MDGA2: variants seen among roughly 807,000 people sequenced by gnomAD.
MDGA2 encodes the protein MAM domain containing glycosylphosphatidylinositol anchor 2.
Under a neutral mutation model 117.8 loss-of-function variants are expected in MDGA2, and 40 were observed. That is an observed-to-expected ratio of 0.34 (90% CI 0.26 to 0.44). The LOEUF (loss-of-function observed/expected upper bound fraction) is 0.44. Among genes scored for constraint, MDGA2 ranks in the 20% least tolerant of loss-of-function variants. The pLI is 1.00. For synonymous variants in MDGA2, 452 were observed against 439.0 expected (o/e 1.03, Z -0.37); for missense variants, 1,123 against 1,250.6 (o/e 0.90, Z 1.54).
rs563122314 is a variant in MDGA2 at position 47,595,975 on chromosome 14, T to C, written c.280+78542A>G. Among the ~76,000 whole-genome samples the C allele has an allele frequency of 6.6e-4, 100 of 152,336 alleles. 1 individual carries two copies. In the South Asian group the frequency reaches 0.02, roughly 30 times the overall value. ...GTTATATTCTATTTAATTACATTTTTATAAAATCATAGAACACAGAAAACT... is the reference window on the plus strand; with the variant it reads ...GTTATATTCTATTTAATTACATTTTCATAAAATCATAGAACACAGAAAACT... On this transcript the variant is annotated intron_variant, in intron 1 of 16. Transcript: ENST00000399232.
At chr14:47,525,729 T>G (rs1448696036) in intron 1 of MDGA2, among the ~76,000 whole-genome samples, 3 of 145,392 alleles carry the variant, frequency 2.1e-5, no homozygotes, top group Non-Finnish European at 1.5e-5. Context: ...TGATTTTAAG[T>G]TTTTTTTTTT....
chr14:46,878,263 A>G (rs1882309589), intron 11 of MDGA2, among the ~76,000 whole-genome samples: 1 of 151,974 alleles, frequency 6.6e-6, no homozygotes, highest in South Asian at 2.1e-4. Context: ...TCTCTCATCT[A>G]AGGGCCAAAT....
At chr14:47,050,218 T>C (rs1889408665) in intron 7 of MDGA2, among the ~76,000 whole-genome samples, 1 of 151,994 alleles carries the variant, frequency 6.6e-6, no homozygotes, top group Non-Finnish European at 1.5e-5. Context: ...GTAACTGTGG[T>C]GTCAATAAAA....
At chr14:47,353,407 C>T (rs1489948375) in intron 1 of MDGA2, among the ~76,000 whole-genome samples, 3 of 152,162 alleles carry the variant, frequency 2.0e-5, no homozygotes, top group Non-Finnish European at 4.4e-5. Context: ...GAAACATGAT[C>T]ATTTCCTTGA....
At chr14:47,615,105 G>GTATTAT (rs61325731) in intron 1 of MDGA2, among the ~76,000 whole-genome samples, 5 of 151,044 alleles carry the variant, frequency 3.3e-5, no homozygotes, top group African/African-American at 4.9e-5. Context: ...TCCTGATGTG[G>GTATTAT]TATTATTATT....
chr14:47,548,219 G>A (rs1173757705), intron 1 of MDGA2, among the ~76,000 whole-genome samples: 1 of 152,046 alleles, frequency 6.6e-6, no homozygotes, highest in Non-Finnish European at 1.5e-5. Context: ...CTTTAGTTTG[G>A]TGAACATATG....
intron 1 of MDGA2, among the ~76,000 whole-genome samples, chr14:47,387,454 T>C (rs1891787840): frequency 6.6e-6 from 1 of 152,174 alleles, no homozygotes; most frequent in Non-Finnish European, 1.5e-5. Flanking sequence ...TTTTTCTCTC[T>C]GTCCTCACTG....
chr14:46,977,086 A>G (rs912210225), intron 8 of MDGA2, among the ~76,000 whole-genome samples: 1 of 151,916 alleles, frequency 6.6e-6, no homozygotes, highest in African/African-American at 2.4e-5. Context: ...TGCTTTATAA[A>G]ATAGATATTT....
At chr14:46,954,131 A>C (rs750691307) in intron 9 of MDGA2, among the ~76,000 whole-genome samples, 4 of 151,940 alleles carry the variant, frequency 2.6e-5, no homozygotes, top group Non-Finnish European at 5.9e-5. Context: ...TCGCAGGTTG[A>C]TTTTCCTCAT....
intron 1 of MDGA2, among the ~76,000 whole-genome samples, chr14:47,614,717 A>G (rs1896918194): frequency 6.6e-6 from 1 of 152,216 alleles, no homozygotes; most frequent in Non-Finnish European, 1.5e-5. Context: ...AAAAGGGAAA[A>G]TGAGAAGTGT....
intron 1 of MDGA2, among the ~76,000 whole-genome samples, chr14:47,353,470 C>T (rs1387008336): frequency 1.3e-5 from 2 of 152,120 alleles, no homozygotes; most frequent in African/African-American, 4.8e-5. Flanking sequence ...TGTGTTCTCT[C>T]AAAATTTGTA....
At chr14:47,566,183 T>C (rs1895915408) in intron 1 of MDGA2, among the ~76,000 whole-genome samples, 2 of 152,120 alleles carry the variant, frequency 1.3e-5, no homozygotes, top group Non-Finnish European at 2.9e-5. Context: ...GAAGGACATG[T>C]GTAGGCTGGT....
At chr14:46,904,852 C>T (rs542329362) in intron 10 of MDGA2, among the ~76,000 whole-genome samples, 10 of 152,274 alleles carry the variant, frequency 6.6e-5, no homozygotes, top group African/African-American at 2.2e-4. Context: ...CAACTTCAGG[C>T]TTTCAACATC....
In MDGA2 at chr14:47,044,554, C is replaced by A. The variant is rs1030212164; in HGVS notation, c.1526-9250G>T. Among the ~76,000 whole-genome samples the A allele has an allele frequency of 7.2e-5, 11 of 152,204 alleles. No individual in the cohort carries two copies. The East Asian group carries it at 1.9e-3, about 27-fold the overall frequency. ...AAGCATTTATAAATATGTCTTCACACCAGATAGTATGCCTACCGTTTTTGT... is the reference window on the plus strand; with the variant it reads ...AAGCATTTATAAATATGTCTTCACAACAGATAGTATGCCTACCGTTTTTGT... On this transcript the variant is annotated intron_variant, in intron 7 of 16. Transcript: ENST00000399232.
At chr14:47,284,691 C>T (rs935416047) in intron 2 of MDGA2, among the ~76,000 whole-genome samples, 4 of 152,110 alleles carry the variant, frequency 2.6e-5, no homozygotes, top group African/African-American at 9.7e-5. Flanking sequence ...TAATCTACTC[C>T]ATTATACTAA....
At chr14:47,074,275 A>G (rs1430389890) in intron 6 of MDGA2, among the ~76,000 whole-genome samples, 1 of 151,048 alleles carries the variant, frequency 6.6e-6, no homozygotes, top group Non-Finnish European at 1.5e-5. Flanking sequence ...TAACCTCTCA[A>G]TAGTTTTGAT....
At chr14:47,201,631 T>C (rs978424785) in intron 3 of MDGA2, among the ~76,000 whole-genome samples, 10 of 152,230 alleles carry the variant, frequency 6.6e-5, no homozygotes, top group African/African-American at 2.2e-4. Flanking sequence ...CCAAAATAAC[T>C]TTCTATTTTA....
intron 6 of MDGA2, among the ~76,000 whole-genome samples, chr14:47,077,710 GA>G (rs111719120): frequency 9.4e-5 from 14 of 149,428 alleles, no homozygotes; most frequent in South Asian, 2.1e-4. Context: ...TGACATTGAT[GA>G]AAAAAAAAGT....
At chr14:47,485,181 A>T (rs1279642114) in intron 1 of MDGA2, among the ~76,000 whole-genome samples, 1 of 152,160 alleles carries the variant, frequency 6.6e-6, no homozygotes, top group African/African-American at 2.4e-5. Flanking sequence ...GCTGATAGTG[A>T]TATGAACAAT....
Sources: gnomAD v4.1 joint callset for allele counts (sites outside exome capture counted in the v4.1 genomes callset) on GRCh38, gnomAD v4.1.1 for gene constraint, MANE v1.5 for transcripts, NCBI Gene and HGNC (gene_info 2026-07-23, HGNC 2026-07-21) for gene names.